The following CSRNP3 variants were observed in gnomAD, a reference collection of about 807,000 sequenced individuals.
The protein encoded by CSRNP3 is cysteine/serine-rich nuclear protein 3.
In CSRNP3, 12 loss-of-function variants were observed where a neutral mutation model predicts 48.0. The ratio of observed to expected loss-of-function variants is 0.25; its 90% CI spans 0.16 to 0.41. The LOEUF (loss-of-function observed/expected upper bound fraction) is 0.41. Ranked by LOEUF, CSRNP3 falls within the 10% of genes least tolerant of loss-of-function variation. CSRNP3 has a pLI of 1.00. For synonymous variants in CSRNP3, 263 were observed against 269.7 expected, an observed-to-expected ratio of 0.98 and a Z score of 0.24; for missense variants, 580 against 724.4, an observed-to-expected ratio of 0.80 and a Z score of 2.29.
intron 4 of CSRNP3, among the ~76,000 whole-genome samples, chr2:165,611,391 A>G (rs1310398643): frequency 2.2e-5 from 3 of 135,634 alleles, no homozygotes; most frequent in African/African-American, 7.6e-5. Context: ...ATATACATAC[A>G]TATATATATG....
intron 3 of CSRNP3, among the ~76,000 whole-genome samples, chr2:165,551,025 C>T (rs771214697): frequency 6.6e-6 from 1 of 152,078 alleles, no homozygotes; most frequent in African/African-American, 2.4e-5. Flanking sequence ...CTTTTCCTTA[C>T]CTTTTTCTAT....
intron 3 of CSRNP3, among the ~76,000 whole-genome samples, chr2:165,594,207 T>C (rs1306432444): frequency 6.6e-6 from 1 of 152,136 alleles, no homozygotes; most frequent in African/African-American, 2.4e-5. Context: ...TTTCAGTTAA[T>C]GTAATTTAGC....
intron 4 of CSRNP3, among the ~76,000 whole-genome samples, chr2:165,631,129 A>G (rs1686528038): frequency 6.6e-6 from 1 of 152,234 alleles, no homozygotes; most frequent in Non-Finnish European, 1.5e-5. Context: ...AGGGTTTTAA[A>G]TTTCAATGTT....
intron 4 of CSRNP3, among the ~76,000 whole-genome samples, chr2:165,629,287 G>C (rs1187621796): frequency 2.4e-4 from 36 of 152,162 alleles, no homozygotes; most frequent in Non-Finnish European, 1.5e-5. Context: ...TCCTGCTTCA[G>C]GTTCTGCGTA....
At chr2:165,676,238 C>G (rs1416349501) in intron 5 of CSRNP3, 74 bp from the exon 6 acceptor site, 3 of 1,098,966 alleles carry the variant, frequency 2.7e-6, no homozygotes, top group Non-Finnish European at 4.1e-6. Flanking sequence ...ATAGTTCATT[C>G]TCACCCAGTA....
At chr2:165,543,769 G>T (rs970583122) in intron 3 of CSRNP3, among the ~76,000 whole-genome samples, 59 of 152,020 alleles carry the variant, frequency 3.9e-4, no homozygotes, top group African/African-American at 1.4e-3. Context: ...GTAAAATGGG[G>T]TATCCATCTC....
chr2:165,658,128 AC>A (rs1687037277), intron 5 of CSRNP3, 108 bp downstream of exon 5: 1 of 1,233,594 alleles, frequency 8.1e-7, no homozygotes, highest in African/African-American at 1.5e-5. Flanking sequence ...ACTTTACATA[AC>A]AGACTGCTTG....
Position 165,684,339 on chromosome 2 carries a change from GC to G in CSRNP3, c.*4588del, listed in dbSNP as rs1421534201. 1 of 152,176 alleles carries G rather than the reference GC, an allele frequency of 6.6e-6. No individual in the cohort carries two copies. Among genetic ancestry groups the G allele is most frequent in the East Asian group, 1.9e-4 (1 of 5,180 alleles). The allele number at this position is 152,176 out of a possible 1,614,324, so 9.4% of individuals were successfully genotyped here. On this transcript the variant is annotated 3_prime_UTR_variant, in exon 7 of 7. Transcript: ENST00000651982. ...CTGCCTTTTTAAAAGGTGTCATGAA[GC>G]CTTCTATTTCTCCAAACAACTCAAT...
At chr2:165,498,939 G>T (rs1684322008) in intron 2 of CSRNP3, among the ~76,000 whole-genome samples, 1 of 152,082 alleles carries the variant, frequency 6.6e-6, no homozygotes, top group Non-Finnish European at 1.5e-5. Flanking sequence ...AAATATTAAA[G>T]ATACCATCTT....
intron 3 of CSRNP3, among the ~76,000 whole-genome samples, chr2:165,566,084 G>C (rs1685293077): frequency 6.6e-6 from 1 of 151,836 alleles, no homozygotes; most frequent in Non-Finnish European, 1.5e-5. Flanking sequence ...TCTTTTAAGA[G>C]TCTCCTGAGT....
At chr2:165,599,851 T>C (rs1247902876) in intron 4 of CSRNP3, among the ~76,000 whole-genome samples, 1 of 152,184 alleles carries the variant, frequency 6.6e-6, no homozygotes, top group African/African-American at 2.4e-5. Context: ...AAATGATTAC[T>C]TGTCTTATAG....
chr2:165,526,181 T>C (rs1224313818), intron 3 of CSRNP3, among the ~76,000 whole-genome samples: 1 of 152,200 alleles, frequency 6.6e-6, no homozygotes, highest in African/African-American at 2.4e-5. Context: ...AATCCTCTTC[T>C]TTTACAAAAT....
intron 2 of CSRNP3, among the ~76,000 whole-genome samples, chr2:165,501,046 A>C (rs1342250086): frequency 6.6e-6 from 1 of 152,154 alleles, no homozygotes; most frequent in Admixed American, 6.6e-5. Context: ...TGGAGAGATT[A>C]GTACATATTC....
chr2:165,565,215 A>T (rs1298551604), intron 3 of CSRNP3, among the ~76,000 whole-genome samples: 2 of 152,114 alleles, frequency 1.3e-5, no homozygotes, highest in African/African-American at 4.8e-5. Context: ...ATGTGTTTAT[A>T]CTTCTCTCTG....
At chr2:165,530,686 T>G (rs1180129252) in intron 3 of CSRNP3, among the ~76,000 whole-genome samples, 1 of 152,162 alleles carries the variant, frequency 6.6e-6, no homozygotes, top group Admixed American at 6.5e-5. Flanking sequence ...TCCTATCTTT[T>G]CTGCTGCTTC....
At chr2:165,634,397 C>T (rs1164897020) in intron 4 of CSRNP3, among the ~76,000 whole-genome samples, 1 of 152,100 alleles carries the variant, frequency 6.6e-6, no homozygotes, top group Non-Finnish European at 1.5e-5. Flanking sequence ...ACAAAAAACA[C>T]ATATTGAGCA....
At chr2:165,552,362 C>T (rs1026597321) in intron 3 of CSRNP3, among the ~76,000 whole-genome samples, 2 of 152,154 alleles carry the variant, frequency 1.3e-5, no homozygotes, top group African/African-American at 4.8e-5. Flanking sequence ...AACAGAAAAC[C>T]GATCATGCTT....
intron 5 of CSRNP3, among the ~76,000 whole-genome samples, chr2:165,670,821 A>T (rs949878428): frequency 6.1e-5 from 9 of 146,938 alleles, no homozygotes; most frequent in African/African-American, 2.2e-4. Context: ...TTAAGAGTCA[A>T]GGCTATTTGG....
intron 4 of CSRNP3, among the ~76,000 whole-genome samples, chr2:165,624,830 T>G (rs779501516): frequency 4.6e-5 from 7 of 152,160 alleles, no homozygotes; most frequent in Non-Finnish European, 1.0e-4. Context: ...CACATTGTAT[T>G]GTTCATCTCT....
Sources: allele counts gnomAD v4.1 joint callset (sites outside exome capture counted in the v4.1 genomes callset), GRCh38; gene constraint gnomAD v4.1.1; transcripts MANE v1.5; gene names NCBI Gene and HGNC (gene_info 2026-07-23, HGNC 2026-07-21).